The following ABCA13 variants were observed in gnomAD, a reference collection of about 807,000 sequenced individuals.
The protein encoded by ABCA13 is ATP binding cassette subfamily A member 13, also known as ATP-binding cassette sub-family A member 13.
A neutral mutation model predicts 478.7 loss-of-function variants in ABCA13; 476 were observed. The observed-to-expected ratio is 0.99, with a 90% CI of 0.92 to 1.07. The LOEUF (loss-of-function observed/expected upper bound fraction) is 1.07. ABCA13 is among the 50% of genes least tolerant of loss of function. ABCA13 has a pLI of 0.00. For missense variants in ABCA13, 6,060 were observed against 5,910.6 expected (o/e 1.03, Z -0.83); for synonymous variants, 2,252 against 2,158.9 (o/e 1.04, Z -1.20).
rs1251584208 is a variant in ABCA13 at position 48,317,208 on chromosome 7, C to A, written c.9911C>A (p.Ala3304Asp). 5.6e-6 allele frequency: 9 copies of A among 1,613,348 alleles called. No homozygotes were observed. The highest frequency in any genetic ancestry group is 1.7e-6 in the Non-Finnish European group (2 of 1,179,774). The change falls in exon 27 of 62, where the codon GCT (alanine) becomes GAT (aspartate). Residue 3304 changes from alanine (A) to aspartate (D), a missense_variant. Ala to Asp is a moderately radical substitution (Grantham distance 126). This residue lies in a region of ABCA13 where 4,423 missense variants were observed against 4,309.1 expected (regional missense o/e 1.03). Transcript: ENST00000435803. ...YQEILQLPNG[A>D]LVWTFLKPIL... ...GAAATTCTACAATTGCCAAATGGTG[C>A]TTTGGTGTGGACCTTCCTAAAACCC...
chr7:48,546,364 G>A (rs1209405911), intron 55 of ABCA13, among the ~76,000 whole-genome samples: 1 of 151,736 alleles, frequency 6.6e-6, no homozygotes, highest in Non-Finnish European at 1.5e-5. Context: ...CTTCTTGACA[G>A]CAAGAATATA....
At chr7:48,335,997 T>G (rs181883285) in intron 28 of ABCA13, among the ~76,000 whole-genome samples, 74 of 152,312 alleles carry the variant, frequency 4.9e-4, no homozygotes, top group Admixed American at 3.0e-3. Context: ...TTTTGGGCAT[T>G]TGTGTAGCTT....
intron 20 of ABCA13, among the ~76,000 whole-genome samples, chr7:48,289,499 C>T (rs1562975606): frequency 6.6e-6 from 1 of 151,814 alleles, no homozygotes; most frequent in Non-Finnish European, 1.5e-5. Flanking sequence ...GCTGGGATTA[C>T]AGGTGCCAGC....
rs1563239877 is a variant in ABCA13 at position 48,427,798 on chromosome 7, GA to G, written c.12495del (p.Lys4165AsnfsTer28). The G allele has an allele frequency of 6.2e-7, 1 of 1,610,000 alleles. No homozygotes were observed. Among genetic ancestry groups the G allele is most frequent in the African/African-American group, 1.3e-5 (1 of 74,764 alleles). On this transcript the variant is annotated frameshift_variant, in exon 42 of 62. Coordinates refer to ENST00000435803, the MANE Select transcript of ABCA13 (RefSeq NM_152701.5). LOFTEE classifies it high-confidence loss of function. ...FLMLLQDSNKKSHIALGTESE... is the reference protein window; with the variant it reads ...FLMLLQDSNKXSHIALGTESE... ...TGATGCTTTTGCAAGATTCCAACAA[GA>G]AATCTCACATTGCCCTGGGGACTGA...
intron 19 of ABCA13, among the ~76,000 whole-genome samples, chr7:48,285,311 A>G (rs1050411829): frequency 1.8e-4 from 27 of 152,182 alleles, no homozygotes; most frequent in African/African-American, 6.3e-4. Flanking sequence ...CTTGGAGCCA[A>G]GAAGAGGGGC....
chr7:48,407,792 G>A (rs373581084), intron 39 of ABCA13, among the ~76,000 whole-genome samples: 53 of 151,950 alleles, frequency 3.5e-4, no homozygotes, highest in East Asian at 1.2e-3. Context: ...TCTTGACCTC[G>A]GGTGATCCAC....
intron 7 of ABCA13, among the ~76,000 whole-genome samples, chr7:48,230,302 T>C (rs1788855502): frequency 6.6e-6 from 1 of 152,164 alleles, no homozygotes; most frequent in South Asian, 2.1e-4. Flanking sequence ...TAAGCTCCTA[T>C]TGGGAGGAAA....
chr7:48,483,819 CA>C (rs1193688677), intron 47 of ABCA13, among the ~76,000 whole-genome samples: 5 of 152,144 alleles, frequency 3.3e-5, no homozygotes, highest in Non-Finnish European at 7.4e-5. Context: ...CAGAAAGATT[CA>C]AAGCATTCAG....
In ABCA13 at chr7:48,444,084, A is replaced by T. The variant is rs1823971970; in HGVS notation, c.12566-10953A>T. 1.1e-4 allele frequency among the ~76,000 whole-genome samples: 17 copies of T among 152,214 alleles called. No individual in the cohort carries two copies. In the South Asian group the frequency reaches 3.5e-3, roughly 32 times the overall value. Reference sequence around the variant, plus strand: ...GAGGCTGATTTCTTTGCCAAGATGAATCCTTTCCCACCTTTGAAGGAAGAA... The same window carrying T: ...GAGGCTGATTTCTTTGCCAAGATGATTCCTTTCCCACCTTTGAAGGAAGAA... On this transcript the variant is annotated intron_variant, in intron 42 of 61. Coordinates refer to ENST00000435803, the MANE Select transcript of ABCA13 (RefSeq NM_152701.5).
chr7:48,351,113 T>G (rs1188625275), intron 30 of ABCA13, among the ~76,000 whole-genome samples: 1 of 152,240 alleles, frequency 6.6e-6, no homozygotes, highest in African/African-American at 2.4e-5. Flanking sequence ...TATAACATCA[T>G]GTTCTAGTTA....
chr7:48,586,245 T>G (rs1789166990), intron 56 of ABCA13, among the ~76,000 whole-genome samples: 1 of 152,118 alleles, frequency 6.6e-6, no homozygotes, highest in Admixed American at 6.5e-5. Flanking sequence ...CAAAGTGGTT[T>G]TCAGCAGTTG....
intron 55 of ABCA13, among the ~76,000 whole-genome samples, chr7:48,538,447 T>A (rs56393952): frequency 3.9e-5 from 6 of 151,998 alleles, no homozygotes; most frequent in African/African-American, 1.5e-4. Context: ...TTTTAAAGAC[T>A]TTTTTGAAGT....
intron 15 of ABCA13, among the ~76,000 whole-genome samples, chr7:48,257,342 A>G (rs1393606167): frequency 6.6e-6 from 1 of 152,092 alleles, no homozygotes; most frequent in Non-Finnish European, 1.5e-5. Context: ...ATTATGGTGA[A>G]TAGGAGTGGT....
At chr7:48,621,648 T>G (rs928699669) in intron 59 of ABCA13, among the ~76,000 whole-genome samples, 1 of 152,226 alleles carries the variant, frequency 6.6e-6, no homozygotes, top group Non-Finnish European at 1.5e-5. Flanking sequence ...AAATTATTTT[T>G]TTGATACTTC....
At chr7:48,229,027 T>C (rs2128987570) in intron 6 of ABCA13, among the ~76,000 whole-genome samples, 1 of 152,296 alleles carries the variant, frequency 6.6e-6, no homozygotes, top group East Asian at 1.9e-4. Flanking sequence ...GTTTCAGTGA[T>C]ATATCTTATA....
In ABCA13 at chr7:48,351,117, C is replaced by T. The variant is rs141785838; in HGVS notation, c.10381+298C>T. Among the ~76,000 whole-genome samples the T allele has an allele frequency of 6.6e-4, 101 of 152,330 alleles. 1 individual carries two copies. The highest frequency in any genetic ancestry group is 2.4e-3 in the African/African-American group (98 of 41,576). Reference sequence around the variant, plus strand: ...TTTTACCCTTTTATAACATCATGTTCTAGTTAAATCTCACACCATAAGTTA... The same window carrying T: ...TTTTACCCTTTTATAACATCATGTTTTAGTTAAATCTCACACCATAAGTTA... On this transcript the variant is annotated intron_variant, in intron 30 of 61. Coordinates refer to ENST00000435803, the MANE Select transcript of ABCA13 (RefSeq NM_152701.5).
rs1197446394 is a variant in ABCA13 at position 48,271,809 on chromosome 7, C to T, written c.2143C>T (p.Leu715Phe). The T allele has an allele frequency of 6.5e-7, 1 of 1,530,100 alleles. No individual in the cohort carries two copies. Among genetic ancestry groups the T allele is most frequent in the East Asian group, 2.4e-5 (1 of 40,990 alleles). The allele number at this position is 1,530,100 out of a possible 1,614,324, so 94.8% of individuals were successfully genotyped here. The change falls in exon 17 of 62, where the codon CTT becomes TTT. Residue 715 changes from leucine (L) to phenylalanine (F), a missense_variant. Physicochemically the swap from Leu to Phe is conservative, Grantham distance 22. This residue lies in a region of ABCA13 where 4,423 missense variants were observed against 4,309.1 expected (regional missense o/e 1.03). Transcript: ENST00000435803. ...ISRALNFTKH[L>F]LMMEKKLHTL... ...CAGGGCTTTAAATTTCACAAAGCACCTTCTAATGATGGAAAAGAAGTTGCA... is the reference window on the plus strand; with the variant it reads ...CAGGGCTTTAAATTTCACAAAGCACTTTCTAATGATGGAAAAGAAGTTGCA...
At chr7:48,339,000 A>G (rs1048982522) in intron 29 of ABCA13, among the ~76,000 whole-genome samples, 1 of 152,200 alleles carries the variant, frequency 6.6e-6, no homozygotes, top group African/African-American at 2.4e-5. Context: ...AGTGCAGAGA[A>G]GAAGATGACC....
chr7:48,480,350 A>T (rs940642463), intron 45 of ABCA13, among the ~76,000 whole-genome samples: 17 of 152,244 alleles, frequency 1.1e-4, no homozygotes, highest in African/African-American at 3.9e-4. Flanking sequence ...TCTGTGCAGC[A>T]AGACCAAACC....
Sources: gnomAD v4.1 joint callset for allele counts (sites outside exome capture counted in the v4.1 genomes callset) on GRCh38, gnomAD v4.1.1 for gene constraint, gnomAD v4.1.1 regional missense constraint, MANE v1.5 for transcripts, NCBI Gene and HGNC (gene_info 2026-07-23, HGNC 2026-07-21) for gene names.